AMD1: variants seen among roughly 807,000 people sequenced by gnomAD.
AMD1 encodes adenosylmethionine decarboxylase 1, also known as S-adenosylmethionine decarboxylase proenzyme.
Under a neutral mutation model 40.2 loss-of-function variants are expected in AMD1, and 11 were observed. The observed-to-expected ratio is 0.27, with a 90% confidence interval of 0.17 to 0.45. The LOEUF (loss-of-function observed/expected upper bound fraction) is 0.45. Ranked by LOEUF, AMD1 falls within the 20% of genes least tolerant of loss-of-function variation. AMD1 has a pLI of 1.00. For missense variants in AMD1, 257 were observed against 410.2 expected (o/e 0.63, Z 3.23); for synonymous variants, 121 against 130.8 (o/e 0.93, Z 0.51).
the AMD1 span, chr6:110,858,563 A>G: frequency 1.2e-6 from 2 of 1,600,962 alleles, no homozygotes; most frequent in African/African-American, 1.3e-5. Flanking sequence ...GTTCGATGCC[A>G]ACGACCTGTT....
At chr6:110,853,175 C>T in the AMD1 span, among the ~76,000 whole-genome samples, 3 of 151,368 alleles carry the variant, frequency 2.0e-5, no homozygotes. Flanking sequence ...CCGGCTGGAG[C>T]GCAGTGGTGT....
intron 1 of AMD1, among the ~76,000 whole-genome samples, chr6:110,880,241 T>C (rs6922237): frequency 1.6e-4 from 24 of 152,298 alleles, no homozygotes; most frequent in African/African-American, 5.5e-4. Context: ...TTAATCACTT[T>C]TTGTTGAGTT....
the AMD1 span, among the ~76,000 whole-genome samples, chr6:110,818,748 G>C: frequency 6.6e-6 from 1 of 152,192 alleles, no homozygotes; most frequent in Non-Finnish European, 1.5e-5. Context: ...ATGTTGGCCA[G>C]GCTGGTCTTG....
the AMD1 span, among the ~76,000 whole-genome samples, chr6:110,835,021 A>ATT: frequency 0.02 from 2,698 of 131,686 alleles, 43 homozygotes; most frequent in Non-Finnish European, 0.032. Flanking sequence ...TGCGGATACT[A>ATT]TTTTTTTTTT....
chr6:110,832,479 A>G, the AMD1 span, among the ~76,000 whole-genome samples: 51 of 152,010 alleles, frequency 3.4e-4, no homozygotes, highest in Non-Finnish European at 6.6e-4. Flanking sequence ...TGATGTCCCA[A>G]CTCTGAAGTC....
At chr6:110,877,525 GA>G (rs1418787105) in intron 1 of AMD1, among the ~76,000 whole-genome samples, 1 of 152,274 alleles carries the variant, frequency 6.6e-6, no homozygotes, top group Non-Finnish European at 1.5e-5. Context: ...AATAAAGCGT[GA>G]CATGTTTTAC....
At chr6:110,881,186 CTT>C (rs1330685331) in intron 1 of AMD1, among the ~76,000 whole-genome samples, 3 of 152,054 alleles carry the variant, frequency 2.0e-5, no homozygotes, top group Non-Finnish European at 4.4e-5. Flanking sequence ...AGTATCTAGT[CTT>C]TAAGTGAAAT....
chr6:110,840,809 G>A, the AMD1 span, among the ~76,000 whole-genome samples: 1 of 151,938 alleles, frequency 6.6e-6, no homozygotes, highest in South Asian at 2.1e-4. Flanking sequence ...AGGGCAGGAG[G>A]GCAGAGAGAT....
the AMD1 span, among the ~76,000 whole-genome samples, chr6:110,862,840 T>A: frequency 6.6e-6 from 1 of 152,216 alleles, no homozygotes; most frequent in African/African-American, 2.4e-5. Flanking sequence ...CATTAGTATT[T>A]AAGCTTGAAG....
the AMD1 span, among the ~76,000 whole-genome samples, chr6:110,833,374 A>G: frequency 1.3e-5 from 2 of 152,216 alleles, no homozygotes; most frequent in Non-Finnish European, 2.9e-5. Flanking sequence ...ACATCCAGAA[A>G]AATTAAACAA....
chr6:110,842,244 T>TG, the AMD1 span, among the ~76,000 whole-genome samples: 1 of 152,212 alleles, frequency 6.6e-6, no homozygotes, highest in South Asian at 2.1e-4. Flanking sequence ...TTCCACACTA[T>TG]GTTTTTACCA....
At chr6:110,861,135 G>A in the AMD1 span, among the ~76,000 whole-genome samples, 1 of 152,098 alleles carries the variant, frequency 6.6e-6, no homozygotes, top group Non-Finnish European at 1.5e-5. Context: ...AAGGTGGGCG[G>A]ATCACGAGGT....
At chr6:110,889,217 C>T (rs1027914) in intron 3 of AMD1, 234,440 of 302,092 alleles carry the variant, frequency 0.78, 92,922 homozygotes, top group Admixed American at 0.86. Flanking sequence ...AGAAGCCAGA[C>T]ACTTCCAGTA....
the AMD1 span, among the ~76,000 whole-genome samples, chr6:110,861,844 A>G: frequency 6.6e-6 from 1 of 152,088 alleles, no homozygotes; most frequent in Non-Finnish European, 1.5e-5. Context: ...GCAAGACTCC[A>G]TCACACACAC....
the AMD1 span, among the ~76,000 whole-genome samples, chr6:110,827,783 C>A: frequency 9.3e-5 from 13 of 140,188 alleles, no homozygotes; most frequent in African/African-American, 2.9e-4. Flanking sequence ...AAAAAAAAAA[C>A]ACTACGAGAA....
chr6:110,842,632 G>A, the AMD1 span, among the ~76,000 whole-genome samples: 6 of 152,146 alleles, frequency 3.9e-5, no homozygotes, highest in Admixed American at 3.9e-4. Context: ...ACTGTGGCAG[G>A]CTAACCATGG....
chr6:110,883,862 A>C (rs1264292337), intron 1 of AMD1, among the ~76,000 whole-genome samples: 1 of 151,900 alleles, frequency 6.6e-6, no homozygotes, highest in Non-Finnish European at 1.5e-5. Flanking sequence ...GAGTGCTGGG[A>C]TTACAGGCGT....
At chr6:110,838,303 C>T in the AMD1 span, among the ~76,000 whole-genome samples, 1 of 151,452 alleles carries the variant, frequency 6.6e-6, no homozygotes, top group Non-Finnish European at 1.5e-5. Flanking sequence ...GCAGGAGAAT[C>T]GCTTGAACCC....
chr6:110,871,695 G>A (rs1010080676), upstream of AMD1, among the ~76,000 whole-genome samples: 8 of 152,220 alleles, frequency 5.3e-5, no homozygotes, highest in Non-Finnish European at 8.8e-5. Context: ...GGAGGAGGCA[G>A]ATTTTGCTGT....
Sources: allele counts gnomAD v4.1 joint callset (sites outside exome capture counted in the v4.1 genomes callset), GRCh38; gene constraint gnomAD v4.1.1; transcripts MANE v1.5; gene names NCBI Gene and HGNC (gene_info 2026-07-23, HGNC 2026-07-21).